Variants in POU2F2 observed in about 807,000 individuals in gnomAD.
POU2F2 encodes POU class 2 homeobox 2.
In POU2F2, 14 loss-of-function variants were observed where a neutral mutation model predicts 63.5. The ratio of observed to expected loss-of-function variants is 0.22; its 90% CI spans 0.15 to 0.34. The LOEUF (loss-of-function observed/expected upper bound fraction) is 0.34, where lower values mean the gene tolerates loss of function less well. Among genes scored for constraint, POU2F2 ranks in the 10% least tolerant of loss-of-function variants. POU2F2 has a pLI of 1.00. For synonymous variants in POU2F2, 306 were observed against 348.6 expected, an observed-to-expected ratio of 0.88 and a Z score of 1.36; for missense variants, 607 against 815.2, an observed-to-expected ratio of 0.74 and a Z score of 3.11.
At chr19:42,175,139 T>G (rs1401377459) in intron 1 of POU2F2, among the ~76,000 whole-genome samples, 1 of 152,088 alleles carries the variant, frequency 6.6e-6, no homozygotes, top group Non-Finnish European at 1.5e-5. Context: ...AGCCCTCACT[T>G]AAGATCTTCC....
At position 42,092,343 on chromosome 19, in the gene POU2F2, C is replaced by T; in HGVS notation, c.1265-73G>A. The T allele has an allele frequency of 8.6e-7, 1 of 1,164,158 alleles. No individual in the cohort carries two copies. The highest frequency in any genetic ancestry group is 2.6e-5 in the East Asian group (1 of 39,172). The allele number at this position is 1,164,158 out of a possible 1,614,324, so 72.1% of individuals were successfully genotyped here. ...CCCACTGAGGAACCTGGGGTCAGCT[C>T]CTACTTGTCCTCCCGCCCAGCTCAC... On this transcript the variant is annotated intron_variant, in intron 12 of 14. Transcript: ENST00000692977. This position sits in a 1 kb window ranked among gnomAD's most constrained non-coding sequence, Gnocchi z 5.0.
chr19:42,197,073 G>C (rs2146835216), upstream of POU2F2, among the ~76,000 whole-genome samples: 1 of 152,304 alleles, frequency 6.6e-6, no homozygotes. Flanking sequence ...CTAGAATTTA[G>C]CCCAGTAATT....
Position 42,095,013 on chromosome 19 carries a change from C to T in POU2F2, c.1197+273G>A, listed in dbSNP as rs941360896. On this transcript the variant is annotated intron_variant, in intron 11 of 14. Coordinates refer to ENST00000692977, the MANE Select transcript of POU2F2 (RefSeq NM_001394376.1). This position sits in a 1 kb window ranked among gnomAD's most constrained non-coding sequence, Gnocchi z 7.1. ...TTCTAACCTGGACCACGTCCCTGGACATATATCCCTTCCTGTGTGGCTATG... is the reference window on the plus strand; with the variant it reads ...TTCTAACCTGGACCACGTCCCTGGATATATATCCCTTCCTGTGTGGCTATG... 5.3e-5 allele frequency among the ~76,000 whole-genome samples: 8 copies of T among 152,216 alleles called. No homozygotes were observed. The highest frequency in any genetic ancestry group is 1.9e-4 in the African/African-American group (8 of 41,450).
intron 11 of POU2F2, among the ~76,000 whole-genome samples, chr19:42,094,262 C>T (rs2076839245): frequency 6.6e-6 from 1 of 152,196 alleles, no homozygotes; most frequent in Non-Finnish European, 1.5e-5. Flanking sequence ...CAAACACCAC[C>T]CTTTTACCAG....
rs2076672517 is a variant in POU2F2, at chr19:42,090,295, C to T, written c.*962G>A. On this transcript the variant is annotated 3_prime_UTR_variant, in exon 15 of 15. Coordinates refer to ENST00000692977, the MANE Select transcript of POU2F2 (RefSeq NM_001394376.1). The surrounding 1 kb of genome is among the most constrained non-coding windows in gnomAD (Gnocchi z 4.4). ...CTTCATCCCCTCTTGCCTGAAATTT[C>T]CACCTTCCCATAGGCTGGGGAGGGA... The T allele has an allele frequency of 6.6e-6, 1 of 152,458 alleles. No homozygotes were observed. Among genetic ancestry groups the T allele is most frequent in the Non-Finnish European group, 1.5e-5 (1 of 68,032 alleles). The allele number at this position is 152,458 out of a possible 1,614,324, so 9.4% of individuals were successfully genotyped here.
chr19:42,126,412 C>T (rs2033201754), intron 1 of POU2F2, among the ~76,000 whole-genome samples: 1 of 148,296 alleles, frequency 6.7e-6, no homozygotes, highest in African/African-American at 2.5e-5. Flanking sequence ...CACTGCACTA[C>T]AGCCTGAGTG....
chr19:42,091,675 C>T lies in POU2F2; in HGVS notation c.1541-84G>A, dbSNP rs559070337. On this transcript the variant is annotated intron_variant, in intron 14 of 14. Coordinates refer to ENST00000692977, the MANE Select transcript of POU2F2 (RefSeq NM_001394376.1). ...CTTCCAGCATCCTGCCCAGAGTGCC[C>T]CCCATCTCCCCATCGGTCCCACTGA... 1.5e-5 allele frequency: 23 copies of T among 1,551,010 alleles called. No homozygotes were observed. The African/African-American group carries it at 3.0e-4, about 20-fold the overall frequency.
chr19:42,155,388 G>T lies in POU2F2; in HGVS notation c.-9+4944C>A, dbSNP rs1479557708. Reference sequence around the variant, plus strand: ...TCTGTCATGAGGTGCATGCTCCCTGGGTCTCCCTCTCCCTCCACTCCCATC... The same window carrying T: ...TCTGTCATGAGGTGCATGCTCCCTGTGTCTCCCTCTCCCTCCACTCCCATC... On this transcript the variant is annotated intron_variant, in intron 2 of 6. Coordinates refer to the POU2F2 transcript ENST00000524801. This position sits in a 1 kb window ranked among gnomAD's most constrained non-coding sequence, Gnocchi z 4.2. Among the ~76,000 whole-genome samples, 1 of 151,840 alleles carries T rather than the reference G, an allele frequency of 6.6e-6. No homozygotes were observed. The highest frequency in any genetic ancestry group is 2.4e-5 in the African/African-American group (1 of 41,320).
intron 1 of POU2F2, among the ~76,000 whole-genome samples, chr19:42,171,212 T>G (rs1158423579): frequency 6.6e-6 from 1 of 152,174 alleles, no homozygotes; most frequent in Non-Finnish European, 1.5e-5. Flanking sequence ...TGAGGCTGTG[T>G]GTTTGAGTAT....
chr19:42,181,079 C>T (rs939412689), intron 1 of POU2F2, among the ~76,000 whole-genome samples: 1 of 152,192 alleles, frequency 6.6e-6, no homozygotes, highest in African/African-American at 2.4e-5. Context: ...TCCAGAATAT[C>T]CATATTAAGC....
At chr19:42,115,193 C>A (rs998361471) in intron 5 of POU2F2, among the ~76,000 whole-genome samples, 5 of 152,006 alleles carry the variant, frequency 3.3e-5, no homozygotes, top group Non-Finnish European at 7.4e-5. Flanking sequence ...CGGAGCCATG[C>A]GCCCAGTTTA....
At position 42,122,917 on chromosome 19, in the gene POU2F2, C is replaced by T. The variant is rs372491368; in HGVS notation, c.29-341G>A. Reference sequence around the variant, plus strand: ...CAGCTGCCCAGGAGGAGGCTGGTGACGTCCCAAAGGAGGGAGAGCAGCCTT... The same window carrying T: ...CAGCTGCCCAGGAGGAGGCTGGTGATGTCCCAAAGGAGGGAGAGCAGCCTT... On this transcript the variant is annotated intron_variant, in intron 1 of 14. Coordinates refer to ENST00000692977, the MANE Select transcript of POU2F2 (RefSeq NM_001394376.1). Among the ~76,000 whole-genome samples the T allele has an allele frequency of 6.2e-4, 95 of 152,304 alleles. 1 individual carries two copies. Among genetic ancestry groups the T allele is most frequent in the African/African-American group, 2.2e-3 (93 of 41,558 alleles).
At chr19:42,194,301 G>A (rs2035105246) in intron 1 of POU2F2, among the ~76,000 whole-genome samples, 1 of 152,204 alleles carries the variant, frequency 6.6e-6, no homozygotes, top group Admixed American at 6.5e-5. Context: ...TGGATTGCTT[G>A]AGCCCAGGAG....
intron 1 of POU2F2, among the ~76,000 whole-genome samples, chr19:42,186,076 A>G (rs1034799336): frequency 6.6e-6 from 1 of 151,886 alleles, no homozygotes; most frequent in Non-Finnish European, 1.5e-5. Flanking sequence ...TTTAAAGGGG[A>G]CTGGGACGCC....
At position 42,162,477 on chromosome 19, in the gene POU2F2, C is replaced by A. The variant is rs1426559991; in HGVS notation, c.-69-2085G>T. ...AGGAACAGAGAGGGGCAGCAGCTGGCCCACAGTTACCAGGCACAGGAAGAG... is the reference window on the plus strand; with the variant it reads ...AGGAACAGAGAGGGGCAGCAGCTGGACCACAGTTACCAGGCACAGGAAGAG... On this transcript the variant is annotated intron_variant, in intron 1 of 6. Transcript: ENST00000524801. The surrounding 1 kb of genome is among the most constrained non-coding windows in gnomAD (Gnocchi z 4.1). Among the ~76,000 whole-genome samples, 2 of 152,134 alleles carry A rather than the reference C, an allele frequency of 1.3e-5. No homozygotes were observed. The highest frequency in any genetic ancestry group is 4.8e-5 in the African/African-American group (2 of 41,416).
chr19:42,161,015 G>A (rs1052306828), intron 1 of POU2F2, among the ~76,000 whole-genome samples: 1 of 152,166 alleles, frequency 6.6e-6, no homozygotes, highest in Non-Finnish European at 1.5e-5. Flanking sequence ...TGTGGCAGGG[G>A]ACAGAGATGA....
In POU2F2 at chr19:42,120,631, A is replaced by G. The variant is rs74978134; in HGVS notation, c.186+1495T>C. ...CTCTGGGTAAATTTTAATAATCATC[A>G]TATTTATTTCCATGGCAAGTGATTC... On this transcript the variant is annotated intron_variant, in intron 4 of 14. Transcript: ENST00000692977. 7.8e-3 allele frequency among the ~76,000 whole-genome samples: 1,189 copies of G among 152,280 alleles called. 16 individuals are homozygous for G. The highest frequency in any genetic ancestry group is 0.027 in the African/African-American group (1,139 of 41,554).
At position 42,122,594 on chromosome 19, in the gene POU2F2, A is replaced by G. The variant is rs1301734821; in HGVS notation, c.29-18T>C. The G allele has an allele frequency of 2.6e-6, 4 of 1,552,436 alleles. No individual in the cohort carries two copies. Among genetic ancestry groups the G allele is most frequent in the Non-Finnish European group, 3.5e-6 (4 of 1,146,140 alleles). On this transcript the variant is annotated intron_variant, in intron 1 of 14. Transcript: ENST00000692977. ...TCTTATTTCTGGGGACAGAGGAGGA[A>G]TGGAAGTGGGGTGAAGGAGGGGAAT...
chr19:42,139,679 A>G (rs1454516160), intron 2 of POU2F2, among the ~76,000 whole-genome samples: 1 of 152,034 alleles, frequency 6.6e-6, no homozygotes, highest in Admixed American at 6.6e-5. Flanking sequence ...CCCTCAAGTG[A>G]TCCACCCACC....
Sources: allele counts gnomAD v4.1 joint callset (sites outside exome capture counted in the v4.1 genomes callset), GRCh38; gene constraint gnomAD v4.1.1; non-coding constraint Gnocchi (gnomAD v3.1); transcripts MANE v1.5; gene names NCBI Gene and HGNC (gene_info 2026-07-23, HGNC 2026-07-21).